The following PAPPA variants were observed in gnomAD, a reference collection of about 807,000 sequenced individuals.
The protein encoded by PAPPA is pappalysin 1.
Under a neutral mutation model 164.0 loss-of-function variants are expected in PAPPA, and 60 were observed. The ratio of observed to expected loss-of-function variants is 0.37; its 90% CI spans 0.30 to 0.45. The LOEUF (loss-of-function observed/expected upper bound fraction) is 0.45, where lower values mean the gene tolerates loss of function less well. PAPPA is among the 20% of genes least tolerant of loss of function. The pLI is 1.00. For synonymous variants in PAPPA, 875 were observed against 814.1 expected, an observed-to-expected ratio of 1.07 and a Z score of -1.27; for missense variants, 1,782 against 2,087.3, an observed-to-expected ratio of 0.85 and a Z score of 2.85.
At chr9:116,350,699 T>C (rs750812192) in intron 15 of PAPPA, among the ~76,000 whole-genome samples, 40 of 152,180 alleles carry the variant, frequency 2.6e-4, no homozygotes, top group Non-Finnish European at 5.1e-4. Context: ...TATATACAGC[T>C]CCCCTTCCCA....
intron 7 of PAPPA, among the ~76,000 whole-genome samples, chr9:116,253,868 T>C (rs1229203003): frequency 6.6e-6 from 1 of 152,204 alleles, no homozygotes; most frequent in Non-Finnish European, 1.5e-5. Flanking sequence ...TTCTAGGTAC[T>C]CAATTTATTC....
chr9:116,193,351 G>A lies in PAPPA; in HGVS notation c.1478+5135G>A, dbSNP rs141774906. 7.5e-3 allele frequency among the ~76,000 whole-genome samples: 1,144 copies of A among 152,130 alleles called. 4 individuals are homozygous for A. Among genetic ancestry groups the A allele is most frequent in the Non-Finnish European group, 0.013 (904 of 67,994 alleles). On this transcript the variant is annotated intron_variant, in intron 2 of 21. Coordinates refer to ENST00000328252, the MANE Select transcript of PAPPA (RefSeq NM_002581.5). ...CTGAATGATTTGTCCTCTCTGGGTG[G>A]GGTTTCCTACTTAATTTCTGATTTG...
At chr9:116,284,205 A>G (rs962318888) in intron 9 of PAPPA, among the ~76,000 whole-genome samples, 1 of 152,186 alleles carries the variant, frequency 6.6e-6, no homozygotes, top group Admixed American at 6.5e-5. Context: ...CTTACTCACA[A>G]GTAGAGAGTG....
At position 116,362,644 on chromosome 9, in the gene PAPPA, C is replaced by G. The variant is rs562528726; in HGVS notation, c.4400C>G (p.Ser1467Cys). 3.1e-6 allele frequency: 5 copies of G among 1,614,098 alleles called. No individual in the cohort carries two copies. In the African/African-American group the frequency reaches 6.7e-5, roughly 22 times the overall value. ...CGGAAAGATGGCACCTGGAACGGCTCCTTCCATGTCTGCCAGGAGATGCAA... is the reference window on the plus strand; with the variant it reads ...CGGAAAGATGGCACCTGGAACGGCTGCTTCCATGTCTGCCAGGAGATGCAA... ...HCRKDGTWNG[S>C]FHVCQEMQGQ... Residue 1467 changes from serine to cysteine, a missense_variant, in exon 18 of 22, where the codon TCC (serine) becomes TGC (cysteine). Transcript: ENST00000328252.
At chr9:116,297,359 G>C (rs762259242) in intron 9 of PAPPA, among the ~76,000 whole-genome samples, 1 of 152,152 alleles carries the variant, frequency 6.6e-6, no homozygotes, top group Non-Finnish European at 1.5e-5. Flanking sequence ...TCTGTTCAAC[G>C]TTTTGAAACT....
intron 4 of PAPPA, among the ~76,000 whole-genome samples, chr9:116,216,135 A>G (rs1374475532): frequency 6.6e-6 from 1 of 152,152 alleles, no homozygotes; most frequent in Non-Finnish European, 1.5e-5. Context: ...TACTATCATT[A>G]TTTTTAAAAA....
rs1266253331 is a variant in PAPPA, at chr9:116,155,602, G to A, written c.415+1015G>A. On this transcript the variant is annotated intron_variant, in intron 1 of 21. Transcript: ENST00000328252. The stretch of plus-strand genomic sequence containing the variant: ...TGAGAGTAGGGGTTCCCCCTTCACT[G>A]CAGCCAGGAAACGTGTGAAGGCGTT... 2.0e-5 allele frequency among the ~76,000 whole-genome samples: 3 copies of A among 152,122 alleles called. No homozygotes were observed. The East Asian group carries it at 5.8e-4, about 29-fold the overall frequency.
At chr9:116,231,908 C>G (rs1423707224) in intron 6 of PAPPA, among the ~76,000 whole-genome samples, 1 of 151,482 alleles carries the variant, frequency 6.6e-6, no homozygotes, top group African/African-American at 2.4e-5. Flanking sequence ...GTTACAGGCA[C>G]GTGCCACCAC....
intron 13 of PAPPA, among the ~76,000 whole-genome samples, chr9:116,340,557 G>A (rs1022356400): frequency 6.6e-6 from 1 of 152,200 alleles, no homozygotes; most frequent in African/African-American, 2.4e-5. Context: ...GTGAAACAGA[G>A]TGGCCAATGC....
chr9:116,207,051 G>A (rs573337473), intron 2 of PAPPA, among the ~76,000 whole-genome samples: 28 of 152,252 alleles, frequency 1.8e-4, no homozygotes, highest in South Asian at 1.2e-3. Flanking sequence ...TCTAAGAGGG[G>A]AAGAGCAGGA....
intron 1 of PAPPA, among the ~76,000 whole-genome samples, chr9:116,160,678 T>C (rs1843655790): frequency 6.6e-6 from 1 of 152,182 alleles, no homozygotes; most frequent in Non-Finnish European, 1.5e-5. Context: ...TAGGTATCTA[T>C]TTCTCTCCGC....
intron 7 of PAPPA, among the ~76,000 whole-genome samples, chr9:116,243,089 T>C (rs73527814): frequency 0.017 from 2,557 of 152,324 alleles, 51 homozygotes; most frequent in African/African-American, 0.048. Flanking sequence ...TGTCCATTAA[T>C]GTTATCAGAA....
At chr9:116,259,723 G>T (rs973156518) in intron 7 of PAPPA, among the ~76,000 whole-genome samples, 1 of 152,152 alleles carries the variant, frequency 6.6e-6, no homozygotes, top group Admixed American at 6.5e-5. Flanking sequence ...CAATCATTTT[G>T]GTAAATACTT....
chr9:116,236,321 A>T (rs1337725024), intron 7 of PAPPA, among the ~76,000 whole-genome samples: 1 of 151,738 alleles, frequency 6.6e-6, no homozygotes, highest in Non-Finnish European at 1.5e-5. Flanking sequence ...GAGGTGGCTC[A>T]CTCCTGTAAT....
At chr9:116,308,637 A>T (rs1845676963) in intron 10 of PAPPA, among the ~76,000 whole-genome samples, 1 of 152,188 alleles carries the variant, frequency 6.6e-6, no homozygotes, top group African/African-American at 2.4e-5. Context: ...GACACATGAG[A>T]ACAAGCTAGA....
chr9:116,220,710 A>G (rs1844433764), intron 5 of PAPPA, among the ~76,000 whole-genome samples: 1 of 151,606 alleles, frequency 6.6e-6, no homozygotes, highest in Non-Finnish European at 1.5e-5. Context: ...AACACAGTGA[A>G]ATCCCATCTC....
At chr9:116,360,036 C>A (rs1846403742) in intron 17 of PAPPA, among the ~76,000 whole-genome samples, 1 of 152,224 alleles carries the variant, frequency 6.6e-6, no homozygotes. Flanking sequence ...TGGGGCCTCC[C>A]CAGTGTGAAA....
intron 11 of PAPPA, among the ~76,000 whole-genome samples, chr9:116,331,945 G>C (rs1339462259): frequency 3.3e-5 from 5 of 152,194 alleles, no homozygotes; most frequent in African/African-American, 9.7e-5. Context: ...GTGGGTTTTA[G>C]TGTGGACCGG....
At chr9:116,339,646 A>G (rs1846108869) in intron 13 of PAPPA, among the ~76,000 whole-genome samples, 1 of 152,096 alleles carries the variant, frequency 6.6e-6, no homozygotes, top group Non-Finnish European at 1.5e-5. Context: ...TGTTGTCCCC[A>G]TCTGAGCAAC....
Sources: gnomAD v4.1 joint callset for allele counts (sites outside exome capture counted in the v4.1 genomes callset) on GRCh38, gnomAD v4.1.1 for gene constraint, MANE v1.5 for transcripts, NCBI Gene and HGNC (gene_info 2026-07-23, HGNC 2026-07-21) for gene names.